Variants in CYRIB observed in about 807,000 individuals in gnomAD.
The protein encoded by CYRIB is CYFIP related Rac1 interactor B.
CYRIB carries 8 observed loss-of-function variants against 44.2 expected under a neutral mutation model. That is an observed-to-expected ratio of 0.18 (90% CI 0.11 to 0.33). The LOEUF (loss-of-function observed/expected upper bound fraction) is 0.33. CYRIB is among the 10% of genes least tolerant of loss of function. CYRIB has a pLI of 1.00. For missense variants in CYRIB, 185 were observed against 382.8 expected (o/e 0.48, Z 4.31); for synonymous variants, 131 against 127.2 (o/e 1.03, Z -0.20).
intron 2 of CYRIB, among the ~76,000 whole-genome samples, chr8:129,951,705 CA>C (rs35141996): frequency 0.61 from 88,014 of 144,840 alleles, 26,268 homozygotes; most frequent in East Asian, 0.72. Context: ...GACTCCATCT[CA>C]AAAAAAAAAA....
intron 2 of CYRIB, among the ~76,000 whole-genome samples, chr8:129,962,248 AAAAG>A (rs199754254): frequency 6.6e-5 from 10 of 152,188 alleles, no homozygotes; most frequent in East Asian, 1.9e-4. Context: ...TGTTTAAAAA[AAAAG>A]AAAGAAAGAA....
chr8:129,865,641 AAAC>A (rs755566513), intron 4 of CYRIB, among the ~76,000 whole-genome samples: 19 of 152,232 alleles, frequency 1.2e-4, no homozygotes, highest in Non-Finnish European at 2.5e-4. Flanking sequence ...GGGTTAACCT[AAAC>A]AAAACTGCCT....
At chr8:129,879,320 T>A (rs111839667) in intron 3 of CYRIB, 69 bp downstream of exon 5, 1 of 1,020,404 alleles carries the variant, frequency 9.8e-7, no homozygotes. Context: ...AGTGGAAACA[T>A]TCATTTAGTG....
At chr8:129,918,353 G>A (rs767220525) in intron 1 of CYRIB, among the ~76,000 whole-genome samples, 5 of 152,084 alleles carry the variant, frequency 3.3e-5, no homozygotes, top group Non-Finnish European at 7.4e-5. Context: ...TAATCCCATG[G>A]CTTTTTGTTC....
intron 1 of CYRIB, among the ~76,000 whole-genome samples, chr8:129,922,369 T>C (rs1021399835): frequency 6.6e-6 from 1 of 152,200 alleles, no homozygotes; most frequent in Non-Finnish European, 1.5e-5. Context: ...GCAGAATTTA[T>C]GGTACAAATA....
intron 1 of CYRIB, among the ~76,000 whole-genome samples, chr8:129,929,012 A>G (rs2089717640): frequency 6.6e-6 from 1 of 152,250 alleles, no homozygotes; most frequent in Non-Finnish European, 1.5e-5. Flanking sequence ...TATTTATAAC[A>G]GCCAAAAACT....
At chr8:129,920,901 A>G (rs1235363864) in intron 1 of CYRIB, among the ~76,000 whole-genome samples, 1 of 152,326 alleles carries the variant, frequency 6.6e-6, no homozygotes, top group East Asian at 1.9e-4. Context: ...CTTGAACAAG[A>G]GACAAAATTT....
intron 2 of CYRIB, among the ~76,000 whole-genome samples, chr8:129,950,428 G>A (rs1374922605): frequency 2.0e-5 from 3 of 152,196 alleles, no homozygotes; most frequent in Non-Finnish European, 2.9e-5. Flanking sequence ...AAATTAGCCA[G>A]ACGTGGTGAC....
At chr8:129,874,168 C>T (rs1364654723) in intron 3 of CYRIB, among the ~76,000 whole-genome samples, 1 of 151,566 alleles carries the variant, frequency 6.6e-6, no homozygotes, top group African/African-American at 2.4e-5. Context: ...AAAAAAAGTA[C>T]CATTTAGTCA....
intron 2 of CYRIB, among the ~76,000 whole-genome samples, chr8:129,967,448 C>T (rs1003230890): frequency 1.3e-5 from 2 of 151,278 alleles, no homozygotes; most frequent in Non-Finnish European, 2.9e-5. Context: ...GGCGCGATCT[C>T]GGCTCACTGC....
At chr8:129,953,153 C>G (rs570807575) in intron 2 of CYRIB, among the ~76,000 whole-genome samples, 3 of 152,240 alleles carry the variant, frequency 2.0e-5, no homozygotes, top group Admixed American at 6.5e-5. Flanking sequence ...GAAAGGCACA[C>G]TACTTACTCC....
chr8:129,970,834 A>G (rs1297477669), intron 2 of CYRIB, 109 bp downstream of exon 2: 1 of 152,246 alleles, frequency 6.6e-6, no homozygotes, highest in African/African-American at 2.4e-5. Flanking sequence ...ACTGAAATCC[A>G]TCTTGTAGCC....
chr8:129,957,520 A>T (rs1158727343), intron 2 of CYRIB, among the ~76,000 whole-genome samples: 1 of 152,210 alleles, frequency 6.6e-6, no homozygotes, highest in Non-Finnish European at 1.5e-5. Context: ...ACTTGTCACC[A>T]ACCACCATTT....
At chr8:129,876,403 T>C (rs1279463181) in intron 3 of CYRIB, among the ~76,000 whole-genome samples, 1 of 152,086 alleles carries the variant, frequency 6.6e-6, no homozygotes, top group African/African-American at 2.4e-5. Flanking sequence ...TGAGCTTTCG[T>C]GTCTATCCTC....
At chr8:129,924,626 C>T (rs2086344836) in intron 1 of CYRIB, among the ~76,000 whole-genome samples, 1 of 152,096 alleles carries the variant, frequency 6.6e-6, no homozygotes, top group South Asian at 2.1e-4. Flanking sequence ...GGCTAATGAT[C>T]ATGACTTTGG....
At chr8:129,925,912 G>T (rs1214542117) in intron 1 of CYRIB, among the ~76,000 whole-genome samples, 1 of 152,056 alleles carries the variant, frequency 6.6e-6, no homozygotes, top group Non-Finnish European at 1.5e-5. Context: ...CCAACAACTG[G>T]GTTAAAAAAC....
At chr8:129,918,285 G>C (rs903762080) in intron 1 of CYRIB, among the ~76,000 whole-genome samples, 1 of 152,152 alleles carries the variant, frequency 6.6e-6, no homozygotes, top group East Asian at 1.9e-4. Context: ...GACCAGATAT[G>C]ATAATATTGC....
chr8:129,968,312 T>A (rs1435244648), intron 2 of CYRIB, among the ~76,000 whole-genome samples: 1 of 152,256 alleles, frequency 6.6e-6, no homozygotes, highest in Non-Finnish European at 1.5e-5. Flanking sequence ...TTTTAATGAT[T>A]ATTTTTCCTT....
intron 2 of CYRIB, among the ~76,000 whole-genome samples, chr8:129,883,112 C>CAAAAAAAAAAAAAAAAAAA (rs34764499): frequency 1.2e-4 from 5 of 41,254 alleles, no homozygotes; most frequent in African/African-American, 3.9e-4. Context: ...GACTCCCTCT[C>CAAAAAAAAAAAAAAAAAAA]AAAAAAAAAA....
Sources: allele counts gnomAD v4.1 joint callset (sites outside exome capture counted in the v4.1 genomes callset), GRCh38; gene constraint gnomAD v4.1.1; transcripts MANE v1.5; gene names NCBI Gene and HGNC (gene_info 2026-07-23, HGNC 2026-07-21).